LRRC4C: variants seen among roughly 807,000 people sequenced by gnomAD.
LRRC4C encodes leucine rich repeat containing 4C, also known as leucine-rich repeat-containing protein 4C.
LRRC4C carries 5 observed loss-of-function variants against 33.6 expected under a neutral mutation model. The ratio of observed to expected loss-of-function variants is 0.15; its 90% CI spans 0.08 to 0.31. The LOEUF (loss-of-function observed/expected upper bound fraction) is 0.31, where lower values mean the gene tolerates loss of function less well. Among genes scored for constraint, LRRC4C ranks in the 10% least tolerant of loss-of-function variants. LRRC4C has a pLI of 1.00. For missense variants in LRRC4C, 560 were observed against 796.7 expected, an observed-to-expected ratio of 0.70 and a Z score of 3.58; for synonymous variants, 329 against 302.0, an observed-to-expected ratio of 1.09 and a Z score of -0.93.
intron 3 of LRRC4C, among the ~76,000 whole-genome samples, chr11:40,409,661 A>T (rs1163936172): frequency 6.6e-6 from 1 of 152,086 alleles, no homozygotes; most frequent in East Asian, 1.9e-4. Context: ...TCAGGAAAGC[A>T]CAAATCAAAA....
In LRRC4C at chr11:40,264,738, G is replaced by C. The variant is rs569697928; in HGVS notation, c.-175-23140C>G. The stretch of plus-strand genomic sequence containing the variant: ...TTTGTCCTTGGGATAAATTGTGCTT[G>C]ATATTTCAGAGCCTGTTCTCATTCT... On this transcript the variant is annotated intron_variant, in intron 4 of 6. Coordinates refer to ENST00000528697, the MANE Select transcript of LRRC4C (RefSeq NM_001258419.2). Among the ~76,000 whole-genome samples, 4 of 152,258 alleles carry C rather than the reference G, an allele frequency of 2.6e-5. No individual in the cohort carries two copies. In the South Asian group the frequency reaches 6.2e-4, roughly 24 times the overall value.
At chr11:40,490,432 A>G (rs1478583438) in intron 3 of LRRC4C, among the ~76,000 whole-genome samples, 1 of 152,160 alleles carries the variant, frequency 6.6e-6, no homozygotes, top group Non-Finnish European at 1.5e-5. Flanking sequence ...TTGGCCTTGT[A>G]GTGCATGTAT....
At chr11:40,824,496 C>T (rs1434624436) in intron 2 of LRRC4C, among the ~76,000 whole-genome samples, 2 of 151,792 alleles carry the variant, frequency 1.3e-5, no homozygotes, top group South Asian at 2.1e-4. Context: ...AATCCATCAT[C>T]CCAAATCTCT....
chr11:40,417,196 G>A (rs1337005159), intron 3 of LRRC4C, among the ~76,000 whole-genome samples: 1 of 152,192 alleles, frequency 6.6e-6, no homozygotes, highest in Non-Finnish European at 1.5e-5. Flanking sequence ...CAGGTGATGT[G>A]TGTTCTTTCC....
chr11:40,512,535 C>T (rs779052298), intron 3 of LRRC4C, among the ~76,000 whole-genome samples: 1 of 152,154 alleles, frequency 6.6e-6, no homozygotes, highest in African/African-American at 2.4e-5. Flanking sequence ...TAGATATCAT[C>T]AGATGGTGGG....
intron 2 of LRRC4C, among the ~76,000 whole-genome samples, chr11:40,805,937 C>G (rs1439664360): frequency 2.6e-5 from 4 of 152,068 alleles, no homozygotes; most frequent in Non-Finnish European, 4.4e-5. Context: ...GTTGTTCTGT[C>G]CTTGCCTTTT....
Position 41,327,718 on chromosome 11 carries a change from T to C in LRRC4C, c.-496+131713A>G, listed in dbSNP as rs191750734. ...GACCCCGTGGGAGGTAATTGAATCATGGGGGCAGGTTTGTCTCGTGCTGTT... is the reference window on the plus strand; with the variant it reads ...GACCCCGTGGGAGGTAATTGAATCACGGGGGCAGGTTTGTCTCGTGCTGTT... On this transcript the variant is annotated intron_variant, in intron 1 of 6. Transcript: ENST00000528697. 4.1e-3 allele frequency among the ~76,000 whole-genome samples: 619 copies of C among 152,218 alleles called. 4 individuals carry two copies. Among genetic ancestry groups the C allele is most frequent in the Non-Finnish European group, 7.4e-3 (501 of 68,018 alleles).
intron 2 of LRRC4C, among the ~76,000 whole-genome samples, chr11:40,887,059 T>C (rs1191870546): frequency 1.3e-5 from 2 of 150,622 alleles, no homozygotes; most frequent in Non-Finnish European, 3.0e-5. Context: ...GTAGCCAGGG[T>C]ACCAAGTCTT....
chr11:41,271,550 C>T (rs1283188208), intron 1 of LRRC4C, among the ~76,000 whole-genome samples: 1 of 135,402 alleles, frequency 7.4e-6, no homozygotes, highest in African/African-American at 3.1e-5. Flanking sequence ...AAGAAGCTGC[C>T]CCTCATTAAA....
At chr11:40,461,682 T>A (rs975464976) in intron 3 of LRRC4C, among the ~76,000 whole-genome samples, 1 of 148,684 alleles carries the variant, frequency 6.7e-6, no homozygotes, top group African/African-American at 2.4e-5. Flanking sequence ...ATATATATAT[T>A]ATATAATAAT....
rs190596833 is a variant in LRRC4C at position 40,725,373 on chromosome 11, T to A, written c.-406-77095A>T. Among the ~76,000 whole-genome samples the A allele has an allele frequency of 2.6e-3, 396 of 152,180 alleles. 3 individuals are homozygous for A. Among genetic ancestry groups the A allele is most frequent in the Admixed American group, 6.2e-3 (95 of 15,294 alleles). On this transcript the variant is annotated intron_variant, in intron 2 of 6. Transcript: ENST00000528697. Reference sequence around the variant, plus strand: ...ATAAAAAAATATTAGCAGGGCATGGTGGCAGGTGCTTGTATTCCCAGCTAC... The same window carrying A: ...ATAAAAAAATATTAGCAGGGCATGGAGGCAGGTGCTTGTATTCCCAGCTAC...
At chr11:40,771,509 C>A (rs932969266) in intron 2 of LRRC4C, among the ~76,000 whole-genome samples, 1 of 152,178 alleles carries the variant, frequency 6.6e-6, no homozygotes, top group Non-Finnish European at 1.5e-5. Flanking sequence ...TAACATTCGG[C>A]TCCTCATGCA....
At chr11:41,251,456 A>C (rs1591065683) in intron 1 of LRRC4C, among the ~76,000 whole-genome samples, 1 of 152,146 alleles carries the variant, frequency 6.6e-6, no homozygotes, top group African/African-American at 2.4e-5. Flanking sequence ...GTGTGTGTCC[A>C]TTGTCATTAA....
intron 3 of LRRC4C, among the ~76,000 whole-genome samples, chr11:40,559,058 T>G (rs1591103315): frequency 6.6e-6 from 1 of 152,234 alleles, no homozygotes; most frequent in Non-Finnish European, 1.5e-5. Flanking sequence ...TATGGCTACA[T>G]AGTATTCCAT....
At chr11:40,311,366 C>A (rs1345437388) in intron 4 of LRRC4C, among the ~76,000 whole-genome samples, 2 of 152,154 alleles carry the variant, frequency 1.3e-5, no homozygotes, top group Non-Finnish European at 2.9e-5. Flanking sequence ...TCCTGGGTAA[C>A]CCTAGTGCCT....
At chr11:40,845,784 T>G (rs1953129829) in intron 2 of LRRC4C, among the ~76,000 whole-genome samples, 1 of 152,210 alleles carries the variant, frequency 6.6e-6, no homozygotes, top group Non-Finnish European at 1.5e-5. Flanking sequence ...TGAACTAATT[T>G]ACGCTACCAT....
chr11:40,967,268 C>A (rs1459248536), intron 1 of LRRC4C, among the ~76,000 whole-genome samples: 4 of 151,650 alleles, frequency 2.6e-5, no homozygotes, highest in Non-Finnish European at 5.9e-5. Flanking sequence ...AAAGGGACAG[C>A]AAGTGGTAAA....
At chr11:41,232,468 T>C (rs929934801) in intron 1 of LRRC4C, among the ~76,000 whole-genome samples, 3 of 151,922 alleles carry the variant, frequency 2.0e-5, no homozygotes, top group African/African-American at 7.3e-5. Flanking sequence ...TGGGTAAGGG[T>C]GGGGATTCCT....
intron 6 of LRRC4C, among the ~76,000 whole-genome samples, chr11:40,123,265 A>G (rs919443656): frequency 3.3e-5 from 5 of 152,264 alleles, no homozygotes; most frequent in South Asian, 2.1e-4. Flanking sequence ...GCAATCAGAC[A>G]TGACAAATAA....
Sources: allele counts gnomAD v4.1 joint callset (sites outside exome capture counted in the v4.1 genomes callset), GRCh38; gene constraint gnomAD v4.1.1; transcripts MANE v1.5; gene names NCBI Gene and HGNC (gene_info 2026-07-23, HGNC 2026-07-21).